QTMAN: variants seen among roughly 807,000 people sequenced by gnomAD.
The protein encoded by QTMAN is tRNA-queuosine alpha-mannosyltransferase.
chr2:144,108,089 T>A, the QTMAN span, among the ~76,000 whole-genome samples: 1 of 152,190 alleles, frequency 6.6e-6, no homozygotes, highest in Admixed American at 6.5e-5. Flanking sequence ...AAATTAGGTA[T>A]TGACGGGATG....
the QTMAN span, among the ~76,000 whole-genome samples, chr2:144,179,478 T>C: frequency 1.8e-4 from 27 of 152,196 alleles, no homozygotes; most frequent in Non-Finnish European, 4.4e-5. Context: ...GTGATTTAGA[T>C]ATATTTTTCA....
chr2:144,047,980 T>C, the QTMAN span, among the ~76,000 whole-genome samples: 2 of 152,316 alleles, frequency 1.3e-5, no homozygotes, highest in African/African-American at 4.8e-5. Context: ...GCTCACTGAG[T>C]CTTTGAAGAA....
chr2:143,938,773 T>C, the QTMAN span: 1 of 152,190 alleles, frequency 6.6e-6, no homozygotes, highest in African/African-American at 2.4e-5. Context: ...TTACATCCAG[T>C]ATTAATAGCT....
At chr2:144,256,198 G>A in the QTMAN span, among the ~76,000 whole-genome samples, 7 of 152,112 alleles carry the variant, frequency 4.6e-5, no homozygotes, top group African/African-American at 1.7e-4. Flanking sequence ...TCCAAGAGAA[G>A]CTGATCATAT....
At chr2:144,292,210 C>T in the QTMAN span, among the ~76,000 whole-genome samples, 1 of 152,202 alleles carries the variant, frequency 6.6e-6, no homozygotes, top group Non-Finnish European at 1.5e-5. Flanking sequence ...ACAAGATCAT[C>T]AAACCCAGTT....
the QTMAN span, among the ~76,000 whole-genome samples, chr2:144,000,212 GATAAA>G: frequency 7.2e-5 from 11 of 152,100 alleles, no homozygotes; most frequent in African/African-American, 2.2e-4. Context: ...TATGTCAGAG[GATAAA>G]ATAAAACTGT....
the QTMAN span, among the ~76,000 whole-genome samples, chr2:144,249,154 T>C: frequency 6.6e-6 from 1 of 152,176 alleles, no homozygotes; most frequent in East Asian, 1.9e-4. Flanking sequence ...TTTATTTAGA[T>C]CTAGTTTCAA....
At chr2:144,148,199 T>G in the QTMAN span, among the ~76,000 whole-genome samples, 92 of 151,978 alleles carry the variant, frequency 6.1e-4, no homozygotes, top group Admixed American at 8.5e-4. Context: ...TGTTAGGAGA[T>G]TCATGTCAAA....
the QTMAN span, among the ~76,000 whole-genome samples, chr2:144,287,759 G>A: frequency 6.6e-6 from 1 of 152,084 alleles, no homozygotes; most frequent in Non-Finnish European, 1.5e-5. Context: ...TTAACTTTTT[G>A]AACATATAGT....
At chr2:144,297,577 CTT>C in the QTMAN span, among the ~76,000 whole-genome samples, 179 of 119,278 alleles carry the variant, frequency 1.5e-3, 1 homozygote, top group African/African-American at 5.2e-3. Flanking sequence ...AGGATTCCGT[CTT>C]TTTTTTTTTT....
chr2:144,067,497 T>G, the QTMAN span, among the ~76,000 whole-genome samples: 3 of 152,176 alleles, frequency 2.0e-5, no homozygotes, highest in Admixed American at 1.3e-4. Flanking sequence ...CACTGCACAC[T>G]TAGGGACATC....
At chr2:143,991,383 G>C in the QTMAN span, among the ~76,000 whole-genome samples, 1 of 152,142 alleles carries the variant, frequency 6.6e-6, no homozygotes, top group Non-Finnish European at 1.5e-5. Flanking sequence ...TAACTTCTCG[G>C]TGGGGGGTCA....
the QTMAN span, among the ~76,000 whole-genome samples, chr2:144,111,916 A>C: frequency 6.6e-6 from 1 of 152,232 alleles, no homozygotes; most frequent in South Asian, 2.1e-4. Context: ...GATATCTTCT[A>C]AACTACCCAA....
At chr2:144,185,464 C>T in the QTMAN span, among the ~76,000 whole-genome samples, 172 of 152,262 alleles carry the variant, frequency 1.1e-3, no homozygotes, top group East Asian at 0.019. Context: ...TTCCATTGGA[C>T]GCACCAGCTG....
chr2:144,234,468 G>A, the QTMAN span, among the ~76,000 whole-genome samples: 1 of 152,116 alleles, frequency 6.6e-6, no homozygotes, highest in East Asian at 1.9e-4. Flanking sequence ...AGAATGAACT[G>A]TGTCAGCTCA....
chr2:144,313,711 G>A, the QTMAN span, among the ~76,000 whole-genome samples: 3 of 150,812 alleles, frequency 2.0e-5, no homozygotes, highest in African/African-American at 7.3e-5. Flanking sequence ...AACCAACCAG[G>A]TCAATAACTG....
chr2:144,265,729 C>T, the QTMAN span, among the ~76,000 whole-genome samples: 1 of 152,042 alleles, frequency 6.6e-6, no homozygotes, highest in Non-Finnish European at 1.5e-5. Context: ...TAAGAATGCC[C>T]TCCTCCCACC....
the QTMAN span, among the ~76,000 whole-genome samples, chr2:144,002,310 G>C: frequency 1.3e-5 from 2 of 151,928 alleles, no homozygotes; most frequent in Non-Finnish European, 2.9e-5. Flanking sequence ...ATGCTTGTTT[G>C]AGTTGTAAGC....
At chr2:144,331,350 T>A in the QTMAN span, among the ~76,000 whole-genome samples, 6 of 152,098 alleles carry the variant, frequency 3.9e-5, no homozygotes, top group Non-Finnish European at 1.5e-5. Context: ...GTACTGAACT[T>A]CTTTTTCAGC....
Sources: allele counts gnomAD v4.1 joint callset (sites outside exome capture counted in the v4.1 genomes callset), GRCh38; gene constraint gnomAD v4.1.1; transcripts MANE v1.5; gene names NCBI Gene and HGNC (gene_info 2026-07-23, HGNC 2026-07-21).